The following RBP3 variants were observed in gnomAD, a reference collection of about 807,000 sequenced individuals.
RBP3 encodes the protein retinol-binding protein 3.
In RBP3, 50 loss-of-function variants were observed where a neutral mutation model predicts 64.8. The ratio of observed to expected loss-of-function variants is 0.77; its 90% CI spans 0.61 to 0.98. RBP3 has a LOEUF of 0.98. RBP3 is among the 50% of genes least tolerant of loss of function. The pLI is 0.00. For missense variants in RBP3, 1,712 were observed against 1,660.5 expected, an observed-to-expected ratio of 1.03 and a Z score of -0.54; for synonymous variants, 828 against 730.2, an observed-to-expected ratio of 1.13 and a Z score of -2.16.
chr10:47,357,595 G>A lies in RBP3; in HGVS notation c.*138G>A. On this transcript the variant is annotated 3_prime_UTR_variant, in exon 4 of 4. Transcript: ENST00000584701. ...CTGAGCTCTGGTTAGGTTACAGCTG[G>A]AGGTGTGTATATATACACACACACA... is the stretch of plus-strand genomic sequence containing the variant. 1.5e-6 allele frequency: 1 copy of A among 658,756 alleles called. No individual in the cohort carries two copies. The highest frequency in any genetic ancestry group is 2.7e-6 in the Non-Finnish European group (1 of 376,356). The allele number at this position is 658,756 out of a possible 1,614,324, so 40.8% of individuals were successfully genotyped here.
In RBP3 at chr10:47,348,981, T is replaced by G. The variant is rs1565764064; in HGVS notation, c.497T>G (p.Val166Gly). The G allele has an allele frequency of 6.2e-7, 1 of 1,613,946 alleles. No homozygotes were observed. The highest frequency in any genetic ancestry group is 8.5e-7 in the Non-Finnish European group (1 of 1,180,020). ...WGNLMGTSALVLDLRHCTGGQ... is the reference protein window; with the variant it reads ...WGNLMGTSALGLDLRHCTGGQ... ...AATCTCATGGGCACCTCCGCCTTAG[T>G]GCTGGATCTCCGGCACTGCACAGGA... The change falls in exon 1 of 4, where the codon GTG (valine) becomes GGG (glycine). Residue 166 changes from valine (V) to glycine (G), a missense_variant. Coordinates refer to ENST00000584701, the MANE Select transcript of RBP3 (RefSeq NM_002900.3).
At position 47,349,549 on chromosome 10, in the gene RBP3, C is replaced by T. The variant is rs1555211123; in HGVS notation, c.1065C>T (p.Ala355=). 6.2e-7 allele frequency: 1 copy of T among 1,613,046 alleles called. No homozygotes were observed. Among genetic ancestry groups the T allele is most frequent in the Admixed American group, 1.7e-5 (1 of 60,030 alleles). The change falls in exon 1 of 4, where the codon GCC becomes GCT. Residue 355 remains alanine (A), a synonymous_variant. Coordinates refer to ENST00000584701, the MANE Select transcript of RBP3 (RefSeq NM_002900.3). ...TGCCCACCCTGCTGCAGCACTTGGC[C>T]AGCATGGACTTCTCCACGGTGGTCT... is the stretch of plus-strand genomic sequence containing the variant. ...DRVPTLLQHL[A]SMDFSTVVSE...
At position 47,350,265 on chromosome 10, in the gene RBP3, C is replaced by G. The variant is rs781947747; in HGVS notation, c.1781C>G (p.Pro594Arg). Reference sequence around the variant, plus strand: ...GAAGGCAGCCTCGCGCTCACCGTGCCGGTCCTCACCTTCATCGACAATCAC... The same window carrying G: ...GAAGGCAGCCTCGCGCTCACCGTGCGGGTCCTCACCTTCATCGACAATCAC... ...TPEGSLALTV[P>R]VLTFIDNHGE... Residue 594 changes from proline to arginine, a missense_variant, in exon 1 of 4, where the codon CCG becomes CGG. Coordinates refer to ENST00000584701, the MANE Select transcript of RBP3 (RefSeq NM_002900.3). The G allele has an allele frequency of 1.1e-4, 184 of 1,607,432 alleles. No homozygotes were observed. Among genetic ancestry groups the G allele is most frequent in the Non-Finnish European group, 1.5e-4 (178 of 1,179,928 alleles).
rs1290352347 is a variant in RBP3, at chr10:47,350,758, G to A, written c.2274G>A (p.Lys758=). 1 of 1,613,082 alleles carries A rather than the reference G, an allele frequency of 6.2e-7. No homozygotes were observed. Among genetic ancestry groups the A allele is most frequent in the Non-Finnish European group, 8.5e-7 (1 of 1,180,034 alleles). Residue 758 remains lysine, a synonymous_variant, in exon 1 of 4, where the codon AAG becomes AAA. Coordinates refer to ENST00000584701, the MANE Select transcript of RBP3 (RefSeq NM_002900.3). The part of the protein sequence containing the change: ...FDAMAELETV[K]AVGPQLVRLV... ...CCATGGCTGAACTGGAGACAGTGAA[G>A]GCCGTGGGGCCACAGCTGGTGCGGC...
chr10:47,350,845 C>G lies in RBP3; in HGVS notation c.2361C>G (p.Gly787=), dbSNP rs782380869. The G allele has an allele frequency of 1.2e-6, 2 of 1,613,068 alleles. No individual in the cohort carries two copies. The highest frequency in any genetic ancestry group is 3.3e-5 in the Admixed American group (2 of 60,018). ...TGATCGACCTGCGCTACAACCCTGG[C>G]AGCTACTCCACGGCCATCCCGCTGC... ...ALVIDLRYNP[G]SYSTAIPLLC... The change falls in exon 1 of 4, where the codon GGC becomes GGG. Residue 787 remains glycine (G), a synonymous_variant. Coordinates refer to ENST00000584701, the MANE Select transcript of RBP3 (RefSeq NM_002900.3).
intron 1 of RBP3, 130 bp downstream of exon 1, chr10:47,351,668 C>T (rs1442665856): frequency 1.2e-5 from 14 of 1,177,534 alleles, no homozygotes; most frequent in East Asian, 9.4e-5. Context: ...AAGTTTTGAC[C>T]GGTCAAGTCC....
intron 3 of RBP3, 144 bp from the exon 4 acceptor site, chr10:47,356,958 G>C (rs1465410489): frequency 3.0e-6 from 2 of 672,054 alleles, no homozygotes; most frequent in Non-Finnish European, 5.1e-6. Context: ...GCTCAGAGAA[G>C]TCAAGTGGCT....
At chr10:47,355,263 G>A in intron 2 of RBP3, 113 bp from the exon 3 acceptor site, 2 of 1,338,862 alleles carry the variant, frequency 1.5e-6, no homozygotes, top group African/African-American at 1.4e-5. Context: ...ACTAGACTGA[G>A]GCTGCCAAGA....
In RBP3 at chr10:47,348,384, A is replaced by G; in HGVS notation, c.-101A>G. On this transcript the variant is annotated 5_prime_UTR_variant, in exon 1 of 4. Transcript: ENST00000584701. ...CCCCAGACCTTCTGTCCACCAGCTG[A>G]GAAGGACAAGGGCGGAAGGCAGCTG... 1 of 1,367,244 alleles carries G rather than the reference A, an allele frequency of 7.3e-7. No homozygotes were observed. Among genetic ancestry groups the G allele is most frequent in the Non-Finnish European group, 1.0e-6 (1 of 993,692 alleles). 84.7% of individuals were successfully genotyped at this position (1,367,244 alleles called of 1,614,324 possible).
rs1836964239 is a variant in RBP3, at chr10:47,351,067, C to G, written c.2583C>G (p.Asp861Glu). Residue 861 changes from aspartate to glutamate, a missense_variant, in exon 1 of 4, where the codon GAC (aspartate) becomes GAG (glutamate). By Grantham distance (45) the Asp-to-Glu change is conservative. Transcript: ENST00000584701. ...AGGCCTTTGCACACACCATGCAGGA[C>G]CTGCAGCGGGCCACGGTCATTGGGG... ...AAEAFAHTMQ[D>E]LQRATVIGEP... The G allele has an allele frequency of 6.2e-7, 1 of 1,611,772 alleles. No individual in the cohort carries two copies. The highest frequency in any genetic ancestry group is 8.5e-7 in the Non-Finnish European group (1 of 1,179,892).
At position 47,357,349 on chromosome 10, in the gene RBP3, AC is replaced by A; in HGVS notation, c.3640del (p.His1214MetfsTer22). ...GSSWEGVGVT[P>X]HVVVPAEEAL... Reference sequence around the variant, plus strand: ...GCTCCTGGGAAGGGGTGGGGGTGACACCCCATGTGGTTGTCCCTGCAGAAGA... The same window carrying A: ...GCTCCTGGGAAGGGGTGGGGGTGACACCCATGTGGTTGTCCCTGCAGAAGA... On this transcript the variant is annotated frameshift_variant, in exon 4 of 4. Coordinates refer to ENST00000584701, the MANE Select transcript of RBP3 (RefSeq NM_002900.3). LOFTEE classifies it low-confidence loss of function (END_TRUNC). 2 of 1,614,004 alleles carry A rather than the reference AC, an allele frequency of 1.2e-6. No homozygotes were observed. Among genetic ancestry groups the A allele is most frequent in the Non-Finnish European group, 1.7e-6 (2 of 1,180,002 alleles).
Position 47,353,328 on chromosome 10 carries a change from C to G in RBP3, c.3058C>G (p.Pro1020Ala). The G allele has an allele frequency of 6.2e-7, 1 of 1,613,906 alleles. No individual in the cohort carries two copies. Among genetic ancestry groups the G allele is most frequent in the Non-Finnish European group, 8.5e-7 (1 of 1,179,960 alleles). ...RIPGIVPMQI[P>A]SPEVFEELIK... ...GTAGGACCTCCAACTCTTACAGATC[C>G]CTTCCCCTGAAGTATTTGAAGAGCT... Residue 1020 changes from proline to alanine, a missense_variant, in exon 2 of 4, where the codon CCT (proline) becomes GCT (alanine). Coordinates refer to ENST00000584701, the MANE Select transcript of RBP3 (RefSeq NM_002900.3).
At chr10:47,353,232 C>G (rs892407129) in intron 1 of RBP3, 93 bp from the exon 2 acceptor site, 9 of 1,155,346 alleles carry the variant, frequency 7.8e-6, no homozygotes, top group Non-Finnish European at 1.2e-5. Flanking sequence ...AGTTCCTGTC[C>G]CATGCCCTTA....
In RBP3 at chr10:47,355,391, C is replaced by A. The variant is rs1837032219; in HGVS notation, c.3261C>A (p.Gly1087=). The A allele has an allele frequency of 1.9e-6, 3 of 1,613,966 alleles. No homozygotes were observed. The highest frequency in any genetic ancestry group is 2.5e-6 in the Non-Finnish European group (3 of 1,180,034). ...MIIDMRFNIG[G]PTSSIPILCS... ...CATCCTTCAGGTTCAACATCGGTGG[C>A]CCCACATCCTCCATTCCCATCTTGT... is the stretch of plus-strand genomic sequence containing the variant. Residue 1087 remains glycine, a synonymous_variant, in exon 3 of 4, where the codon GGC becomes GGA. Coordinates refer to ENST00000584701, the MANE Select transcript of RBP3 (RefSeq NM_002900.3).
rs782759936 is a variant in RBP3 at position 47,357,290 on chromosome 10, C to G, written c.3577C>G (p.Pro1193Ala). Reference sequence around the variant, plus strand: ...TGACACCAACCTCTACCTCACTATCCCCACGGCCCGTTCTGTGGGGGCCTC... The same window carrying G: ...TGACACCAACCTCTACCTCACTATCGCCACGGCCCGTTCTGTGGGGGCCTC... ...VDDTNLYLTI[P>A]TARSVGASDG... The change falls in exon 4 of 4, where the codon CCC (proline) becomes GCC (alanine). Residue 1193 changes from proline (P) to alanine (A), a missense_variant. Coordinates refer to ENST00000584701, the MANE Select transcript of RBP3 (RefSeq NM_002900.3). 2 of 1,614,202 alleles carry G rather than the reference C, an allele frequency of 1.2e-6. No individual in the cohort carries two copies. The highest frequency in any genetic ancestry group is 2.2e-5 in the South Asian group (2 of 91,086).
chr10:47,355,668 C>G, intron 3 of RBP3, 150 bp downstream of exon 3: 1 of 1,027,966 alleles, frequency 9.7e-7, no homozygotes, highest in Admixed American at 2.0e-5. Context: ...ATCTCGAATC[C>G]CTGAAAAGCA....
At chr10:47,353,056 T>A (rs2854249) in intron 1 of RBP3, among the ~76,000 whole-genome samples, 150,346 of 152,156 alleles carry the variant, frequency 0.99, 74,297 homozygotes, top group Middle Eastern at 1. Context: ...CAGAGGGGAG[T>A]CCATTCCTGG....
chr10:47,350,647 C>T lies in RBP3; in HGVS notation c.2163C>T (p.Pro721=), dbSNP rs1311566578. Residue 721 remains proline (P), a synonymous_variant, in exon 1 of 4, where the codon CCC becomes CCT. Transcript: ENST00000584701. ...CACCCCCACCACCCCCTGCTGTCCC[C>T]TCTCCAGAGGAGCTCACCTACCTTA... ...EEAPPPPPAV[P]SPEELTYLIE... 9 of 1,612,844 alleles carry T rather than the reference C, an allele frequency of 5.6e-6. No individual in the cohort carries two copies. Among genetic ancestry groups the T allele is most frequent in the Non-Finnish European group, 7.6e-6 (9 of 1,180,046 alleles).
Position 47,348,741 on chromosome 10 carries a change from G to T in RBP3, c.257G>T (p.Arg86Leu). ...GTGCAGAGCTCCCTGAACGATCCTC[G>T]CCTGGTCATCTCCTATGAGCCCAGC... ...AGVQSSLNDP[R>L]LVISYEPSTP... is the part of the protein sequence containing the mutation. The change falls in exon 1 of 4, where the codon CGC becomes CTC. Residue 86 changes from arginine (R) to leucine (L), a missense_variant. Arg to Leu is a moderately radical substitution (Grantham distance 102). Coordinates refer to ENST00000584701, the MANE Select transcript of RBP3 (RefSeq NM_002900.3). 6.2e-7 allele frequency: 1 copy of T among 1,613,538 alleles called. No homozygotes were observed. The highest frequency in any genetic ancestry group is 8.5e-7 in the Non-Finnish European group (1 of 1,180,014).
Sources: gnomAD v4.1 joint callset for allele counts (sites outside exome capture counted in the v4.1 genomes callset) on GRCh38, gnomAD v4.1.1 for gene constraint, MANE v1.5 for transcripts, NCBI Gene and HGNC (gene_info 2026-07-23, HGNC 2026-07-21) for gene names.